FOXO1: variants seen among roughly 807,000 people sequenced by gnomAD.
The protein encoded by FOXO1 is forkhead box O1, also known as forkhead box protein O1.
FOXO1 carries 6 observed loss-of-function variants against 44.1 expected under a neutral mutation model. That is an observed-to-expected ratio of 0.14 (90% confidence interval 0.07 to 0.27). The LOEUF (loss-of-function observed/expected upper bound fraction) is 0.27, where lower values mean the gene tolerates loss of function less well. FOXO1 is among the 10% of genes least tolerant of loss of function. The pLI is 1.00. For missense variants in FOXO1, 737 were observed against 888.8 expected (o/e 0.83, Z 2.17); for synonymous variants, 380 against 362.7 (o/e 1.05, Z -0.54).
At chr13:40,620,799 CT>C (rs111991105) in intron 1 of FOXO1, among the ~76,000 whole-genome samples, 107 of 121,208 alleles carry the variant, frequency 8.8e-4, no homozygotes, top group Non-Finnish European at 8.8e-4. Context: ...CTTCCCCTTG[CT>C]TTTTTTTTTT....
chr13:40,560,508 A>G lies in FOXO1; in HGVS notation c.983T>C (p.Leu328Pro). The stretch of plus-strand genomic sequence containing the variant: ...ATCCTGTTCGGTCATAATGGGTGAG[A>G]GTCTCCCACTAATAGTACTAGCATT... ...SSNASTISGR[L>P]SPIMTEQDDL... Residue 328 changes from leucine (L) to proline (P), a missense_variant, in exon 2 of 3, where the codon CTC (leucine) becomes CCC (proline). This residue lies in a region of FOXO1 where 136 missense variants were observed against 186.4 expected (regional missense o/e 0.73). Transcript: ENST00000379561. This position sits in a 1 kb window ranked among gnomAD's most constrained non-coding sequence, Gnocchi z 5.1. 3 of 1,614,118 alleles carry G rather than the reference A, an allele frequency of 1.9e-6. No individual in the cohort carries two copies. Among genetic ancestry groups the G allele is most frequent in the Non-Finnish European group, 2.5e-6 (3 of 1,179,996 alleles).
At chr13:40,618,781 C>A (rs1013933295) in intron 1 of FOXO1, 2 of 511,432 alleles carry the variant, frequency 3.9e-6, no homozygotes, top group Admixed American at 4.0e-5. Flanking sequence ...GGTGACGAAA[C>A]CTTATCTCAA....
intron 1 of FOXO1, among the ~76,000 whole-genome samples, chr13:40,644,087 C>G (rs778967778): frequency 3.3e-5 from 5 of 152,148 alleles, no homozygotes; most frequent in Non-Finnish European, 2.9e-5. Context: ...TGACGTGACC[C>G]CAACGTGAGT....
chr13:40,579,301 T>C (rs377565309), intron 1 of FOXO1, among the ~76,000 whole-genome samples: 1 of 152,128 alleles, frequency 6.6e-6, no homozygotes, highest in South Asian at 2.1e-4. Context: ...CTAGAAGTAA[T>C]TGAACCATGC....
intron 1 of FOXO1, chr13:40,619,290 A>G (rs752736309): frequency 1.5e-4 from 61 of 411,866 alleles, no homozygotes; most frequent in Non-Finnish European, 2.3e-4. Flanking sequence ...GTGAAACTCC[A>G]TCTCAAAAAA....
At chr13:40,605,569 C>T (rs932762826) in intron 1 of FOXO1, among the ~76,000 whole-genome samples, 2 of 152,150 alleles carry the variant, frequency 1.3e-5, no homozygotes, top group Non-Finnish European at 2.9e-5. Context: ...CCAGGCTGCT[C>T]CTCCCCCTGA....
intron 1 of FOXO1, among the ~76,000 whole-genome samples, chr13:40,595,045 G>A (rs1243506989): frequency 6.6e-6 from 1 of 152,148 alleles, no homozygotes; most frequent in Non-Finnish European, 1.5e-5. Context: ...TGAGAACTAA[G>A]ATGGAATCTA....
intron 1 of FOXO1, among the ~76,000 whole-genome samples, chr13:40,649,128 C>A (rs1021783749): frequency 2.6e-5 from 4 of 152,126 alleles, no homozygotes; most frequent in African/African-American, 9.7e-5. Context: ...TGAGTCTCAG[C>A]AAGCCACACA....
intron 1 of FOXO1, among the ~76,000 whole-genome samples, chr13:40,614,356 C>A (rs543957757): frequency 2.0e-5 from 3 of 152,304 alleles, no homozygotes; most frequent in Admixed American, 6.5e-5. Context: ...GGGAATAGGA[C>A]CTCTTTTCAA....
intron 2 of FOXO1, among the ~76,000 whole-genome samples, chr13:40,559,280 C>T (rs751966396): frequency 2.0e-5 from 3 of 152,042 alleles, no homozygotes; most frequent in Non-Finnish European, 4.4e-5. Flanking sequence ...ATGCAGCCAT[C>T]GAACTGTCAA....
chr13:40,584,338 T>C (rs558359613), intron 1 of FOXO1, among the ~76,000 whole-genome samples: 2 of 151,540 alleles, frequency 1.3e-5, no homozygotes, highest in African/African-American at 4.8e-5. Context: ...TAAATATTAT[T>C]TGGGGCTGGG....
At chr13:40,599,382 T>C (rs1277459902) in intron 1 of FOXO1, among the ~76,000 whole-genome samples, 4 of 152,186 alleles carry the variant, frequency 2.6e-5, no homozygotes, top group African/African-American at 9.7e-5. Context: ...CTACACTATA[T>C]AATTTAAGCC....
At chr13:40,571,252 T>C (rs1197891912) in intron 1 of FOXO1, among the ~76,000 whole-genome samples, 1 of 151,970 alleles carries the variant, frequency 6.6e-6, no homozygotes, top group Non-Finnish European at 1.5e-5. Flanking sequence ...GGGATAGCAT[T>C]AGGAGATATA....
At chr13:40,604,601 AACT>A (rs1875931386) in intron 1 of FOXO1, among the ~76,000 whole-genome samples, 1 of 152,166 alleles carries the variant, frequency 6.6e-6, no homozygotes, top group Non-Finnish European at 1.5e-5. Flanking sequence ...ACAGAGAACT[AACT>A]GAAAGGTGAT....
intron 1 of FOXO1, chr13:40,619,588 AT>A: frequency 6.7e-7 from 1 of 1,491,888 alleles, no homozygotes; most frequent in Non-Finnish European, 9.3e-7. Context: ...CAGAGATCAT[AT>A]TACAAATAGG....
At chr13:40,591,721 AGACAGAGTCT>A (rs1190698064) in intron 1 of FOXO1, among the ~76,000 whole-genome samples, 1 of 152,196 alleles carries the variant, frequency 6.6e-6, no homozygotes, top group Non-Finnish European at 1.5e-5. Flanking sequence ...ATATTTTTTG[AGACAGAGTCT>A]CACTCTATCG....
intron 1 of FOXO1, among the ~76,000 whole-genome samples, chr13:40,614,459 T>G (rs1876343510): frequency 6.6e-6 from 1 of 152,216 alleles, no homozygotes. Flanking sequence ...TCACTGGAGT[T>G]GCAAGCAGCC....
intron 1 of FOXO1, among the ~76,000 whole-genome samples, chr13:40,592,809 C>A (rs1418743337): frequency 6.6e-6 from 1 of 152,154 alleles, no homozygotes; most frequent in Non-Finnish European, 1.5e-5. Flanking sequence ...TGATGGCAGG[C>A]CCCTATTGTC....
intron 1 of FOXO1, among the ~76,000 whole-genome samples, chr13:40,640,175 T>C (rs1877300216): frequency 6.6e-6 from 1 of 152,174 alleles, no homozygotes; most frequent in Non-Finnish European, 1.5e-5. Context: ...AGGAACCAAT[T>C]ACTCAAGAAA....
Sources: allele counts gnomAD v4.1 joint callset (sites outside exome capture counted in the v4.1 genomes callset), GRCh38; gene constraint gnomAD v4.1.1; regional missense constraint gnomAD v4.1.1; non-coding constraint Gnocchi (gnomAD v3.1); transcripts MANE v1.5; gene names NCBI Gene and HGNC (gene_info 2026-07-23, HGNC 2026-07-21).